The following PTPRT variants were observed in gnomAD, a reference collection of about 807,000 sequenced individuals.
PTPRT encodes receptor-type tyrosine-protein phosphatase T.
PTPRT carries 56 observed loss-of-function variants against 176.8 expected under a neutral mutation model. The ratio of observed to expected loss-of-function variants is 0.32; its 90% CI spans 0.26 to 0.40. The LOEUF is 0.40. PTPRT is among the 10% of genes least tolerant of loss of function. The pLI is 1.00. For synonymous variants in PTPRT, 783 were observed against 739.0 expected (o/e 1.06, Z -0.96); for missense variants, 1,540 against 1,908.2 (o/e 0.81, Z 3.60).
chr20:42,200,531 T>C (rs1991406835), intron 15 of PTPRT, among the ~76,000 whole-genome samples: 1 of 152,202 alleles, frequency 6.6e-6, no homozygotes. Flanking sequence ...TGATGTGGAC[T>C]TTGACCTCAC....
At position 42,771,577 on chromosome 20, in the gene PTPRT, A is replaced by C. The variant is rs768685908; in HGVS notation, c.569-27T>G. On this transcript the variant is annotated intron_variant, in intron 4 of 30. Transcript: ENST00000373187. ...TAAGAGAGAAACCAAAGAACACAAG[A>C]GAATGAGATTCGACAGCCTGCACCA... 1.9e-6 allele frequency: 3 copies of C among 1,589,258 alleles called. No individual in the cohort carries two copies. The African/African-American group carries it at 4.0e-5, about 21-fold the overall frequency.
chr20:42,469,697 A>T (rs2071161130), intron 8 of PTPRT, among the ~76,000 whole-genome samples: 1 of 148,690 alleles, frequency 6.7e-6, no homozygotes, highest in South Asian at 2.1e-4. Flanking sequence ...TACAGAGTCT[A>T]CTCCAAGGAT....
chr20:42,624,144 C>T (rs780829394), intron 7 of PTPRT, among the ~76,000 whole-genome samples: 4 of 152,152 alleles, frequency 2.6e-5, no homozygotes, highest in Non-Finnish European at 4.4e-5. Context: ...AACCTACCAG[C>T]CTTTCATAGA....
chr20:42,386,734 G>A (rs144887657), intron 9 of PTPRT, among the ~76,000 whole-genome samples: 258 of 152,204 alleles, frequency 1.7e-3, no homozygotes, highest in Non-Finnish European at 3.1e-3. Flanking sequence ...GGTGGTGGAC[G>A]CCTGTAATCC....
chr20:42,856,464 T>C (rs2078565129), intron 2 of PTPRT, among the ~76,000 whole-genome samples: 1 of 151,884 alleles, frequency 6.6e-6, no homozygotes. Flanking sequence ...CCAGGAAACA[T>C]AAATAGATCA....
At chr20:42,714,379 ACACT>A (rs59295031) in intron 6 of PTPRT, among the ~76,000 whole-genome samples, 2,758 of 152,278 alleles carry the variant, frequency 0.018, 84 homozygotes, top group African/African-American at 0.062. Context: ...AAATCAACAC[ACACT>A]CACTTATTAT....
At chr20:42,116,219 TC>T in intron 21 of PTPRT, 1 of 632,144 alleles carries the variant, frequency 1.6e-6, no homozygotes, top group Non-Finnish European at 2.9e-6. Flanking sequence ...ACAGGACTAT[TC>T]AGCTTCTTTC....
At chr20:42,717,490 A>T (rs910923661) in intron 6 of PTPRT, among the ~76,000 whole-genome samples, 1 of 152,184 alleles carries the variant, frequency 6.6e-6, no homozygotes, top group Non-Finnish European at 1.5e-5. Flanking sequence ...TATAGTATCT[A>T]TATAACACTT....
intron 18 of PTPRT, among the ~76,000 whole-genome samples, chr20:42,130,068 G>T (rs554104481): frequency 1.3e-5 from 2 of 152,302 alleles, no homozygotes; most frequent in South Asian, 4.2e-4. Flanking sequence ...GCCAGTGAAT[G>T]GTAGAGCACA....
At chr20:42,329,097 G>T (rs2057927059) in intron 11 of PTPRT, among the ~76,000 whole-genome samples, 1 of 152,142 alleles carries the variant, frequency 6.6e-6, no homozygotes, top group Non-Finnish European at 1.5e-5. Context: ...TAACAAGGTA[G>T]CTATGGATGG....
At chr20:43,034,966 T>A (rs1483770369) in intron 1 of PTPRT, among the ~76,000 whole-genome samples, 1 of 150,580 alleles carries the variant, frequency 6.6e-6, no homozygotes, top group African/African-American at 2.4e-5. Flanking sequence ...TCAACACTTA[T>A]TAGTAACAAT....
intron 16 of PTPRT, among the ~76,000 whole-genome samples, chr20:42,170,028 T>C (rs1369410726): frequency 6.6e-6 from 1 of 152,198 alleles, no homozygotes; most frequent in Non-Finnish European, 1.5e-5. Context: ...GGAAAGGTTC[T>C]CTTATCTCTA....
At chr20:42,832,370 G>A (rs546257894) in intron 2 of PTPRT, among the ~76,000 whole-genome samples, 1 of 152,214 alleles carries the variant, frequency 6.6e-6, no homozygotes, top group South Asian at 2.1e-4. Flanking sequence ...AGGGTGGAGA[G>A]GGAGAGGAGG....
chr20:42,096,272 A>AC, intron 27 of PTPRT, among the ~76,000 whole-genome samples: 1 of 149,950 alleles, frequency 6.7e-6, no homozygotes, highest in Non-Finnish European at 1.5e-5. Flanking sequence ...TTTTATTCTT[A>AC]CCCTTTTTTT....
chr20:43,049,974 T>A (rs1986983278), intron 1 of PTPRT, among the ~76,000 whole-genome samples: 1 of 152,216 alleles, frequency 6.6e-6, no homozygotes. Flanking sequence ...CAACTTTATG[T>A]TAAGCATTTT....
intron 1 of PTPRT, among the ~76,000 whole-genome samples, chr20:42,900,405 T>C (rs563778551): frequency 9.8e-5 from 15 of 152,310 alleles, no homozygotes; most frequent in Middle Eastern, 6.8e-3. Context: ...CAAACATGGA[T>C]GCCTGGCTTG....
intron 11 of PTPRT, among the ~76,000 whole-genome samples, chr20:42,335,581 C>T (rs764645942): frequency 4.6e-5 from 7 of 151,936 alleles, no homozygotes; most frequent in Non-Finnish European, 8.8e-5. Flanking sequence ...AAAAAAAATT[C>T]AAAGAACAGT....
chr20:43,162,956 C>A (rs2014738940), intron 1 of PTPRT, among the ~76,000 whole-genome samples: 1 of 152,348 alleles, frequency 6.6e-6, no homozygotes, highest in Admixed American at 6.5e-5. Context: ...CTCCCCAAAC[C>A]AGACGGTGAG....
intron 9 of PTPRT, among the ~76,000 whole-genome samples, chr20:42,364,026 G>A (rs1486905758): frequency 1.3e-5 from 2 of 152,106 alleles, no homozygotes; most frequent in Non-Finnish European, 2.9e-5. Flanking sequence ...GCATCGTTGG[G>A]GGCACAGAGG....
Sources: gnomAD v4.1 joint callset for allele counts (sites outside exome capture counted in the v4.1 genomes callset) on GRCh38, gnomAD v4.1.1 for gene constraint, MANE v1.5 for transcripts, NCBI Gene and HGNC (gene_info 2026-07-23, HGNC 2026-07-21) for gene names.